Variants in TOGARAM2 observed in about 807,000 individuals in gnomAD.
The protein encoded by TOGARAM2 is TOG array regulator of axonemal microtubules 2.
In TOGARAM2, 85 loss-of-function variants were observed where a neutral mutation model predicts 93.3. The ratio of observed to expected loss-of-function variants is 0.91; its 90% CI spans 0.76 to 1.09. The LOEUF (loss-of-function observed/expected upper bound fraction) is 1.09, where lower values mean the gene tolerates loss of function less well. Ranked by LOEUF, TOGARAM2 falls within the 50% of genes least tolerant of loss-of-function variation. The pLI is 0.00. For missense variants in TOGARAM2, 1,277 were observed against 1,334.5 expected, an observed-to-expected ratio of 0.96 and a Z score of 0.67; for synonymous variants, 593 against 552.8, an observed-to-expected ratio of 1.07 and a Z score of -1.02.
At chr2:29,007,013 T>C (rs549668431) in intron 6 of TOGARAM2, among the ~76,000 whole-genome samples, 1 of 152,206 alleles carries the variant, frequency 6.6e-6, no homozygotes, top group African/African-American at 2.4e-5. Flanking sequence ...TTATACCTGC[T>C]TCTCGACCTT....
chr2:29,004,911 TGC>T (rs1673553640), intron 6 of TOGARAM2, among the ~76,000 whole-genome samples: 1 of 17,560 alleles, frequency 5.7e-5, no homozygotes, highest in Non-Finnish European at 3.0e-4. Context: ...TGCATGTGTG[TGC>T]ATGTGTACGT....
At chr2:28,971,181 C>T (rs1671943262) in intron 1 of TOGARAM2, 1 of 152,274 alleles carries the variant, frequency 6.6e-6, no homozygotes, top group African/African-American at 2.4e-5. Flanking sequence ...AAACTGCTCA[C>T]AAACGCTTGT....
intron 18 of TOGARAM2, among the ~76,000 whole-genome samples, chr2:29,037,979 G>A (rs1365685389): frequency 6.6e-6 from 1 of 152,142 alleles, no homozygotes; most frequent in African/African-American, 2.4e-5. Flanking sequence ...TCTAGGGAGA[G>A]GAATTTTTAA....
In TOGARAM2 at chr2:29,014,543, G is replaced by A; in HGVS notation, c.1026G>A (p.Gln342=). ...EACPPLKEED[Q]KEIGTKIQVT... is the part of the protein sequence containing the mutation. ...GCCCTCCGCTGAAAGAAGAGGACCA[G>A]AAGGAGATCGGCACCAAGGTACCTG... The change falls in exon 8 of 20, where the codon CAG becomes CAA. Residue 342 remains glutamine, a synonymous_variant. Coordinates refer to ENST00000379558, the MANE Select transcript of TOGARAM2 (RefSeq NM_199280.4). 1 of 1,569,376 alleles carries A rather than the reference G, an allele frequency of 6.4e-7. No homozygotes were observed. The highest frequency in any genetic ancestry group is 1.2e-5 in the South Asian group (1 of 85,258).
intron 19 of TOGARAM2, chr2:29,050,599 C>G (rs2148404238): frequency 6.6e-6 from 1 of 152,294 alleles, no homozygotes; most frequent in East Asian, 1.9e-4. Context: ...ATGTGAAGCT[C>G]TGAGCCCTGG....
In TOGARAM2 at chr2:29,014,448, C is replaced by G. The variant is rs146532049; in HGVS notation, c.931C>G (p.Pro311Ala). The G allele has an allele frequency of 1.3e-3, 2,165 of 1,607,872 alleles. 5 individuals are homozygous for G. Among genetic ancestry groups the G allele is most frequent in the Non-Finnish European group, 1.6e-3 (1,915 of 1,177,400 alleles). The change falls in exon 8 of 20, where the codon CCT (proline) becomes GCT (alanine). Residue 311 changes from proline (P) to alanine (A), a missense_variant. Pro to Ala is a conservative substitution (Grantham distance 27, BLOSUM62 -1). Coordinates refer to ENST00000379558, the MANE Select transcript of TOGARAM2 (RefSeq NM_199280.4). ...AGACAGGCCTGCCGCTGCCAAGAAG[C>G]CTGCCCTGCCTTTTTCTCAGTCTGC... ...IRDRPAAAKK[P>A]ALPFSQSAPT...
At chr2:29,049,881 A>G (rs1421704612) in intron 19 of TOGARAM2, 2 of 152,124 alleles carry the variant, frequency 1.3e-5, no homozygotes, top group Non-Finnish European at 2.9e-5. Flanking sequence ...CAAAGCCAAC[A>G]TTCCTTGATA....
chr2:28,992,098 C>T lies in TOGARAM2; in HGVS notation c.-110-2627C>T, dbSNP rs537755749. ...AGCAGTGCTGGGTGTGATGGGGCCT[C>T]GGTGAATTGTGCCTTGGGGGTCAGG... On this transcript the variant is annotated intron_variant, in intron 1 of 19. Coordinates refer to ENST00000379558, the MANE Select transcript of TOGARAM2 (RefSeq NM_199280.4). 4.6e-5 allele frequency among the ~76,000 whole-genome samples: 7 copies of T among 152,204 alleles called. No homozygotes were observed. The East Asian group carries it at 5.8e-4, about 13-fold the overall frequency.
chr2:28,999,565 A>G (rs2148281225), intron 4 of TOGARAM2, 97 bp downstream of exon 4: 1 of 1,359,836 alleles, frequency 7.4e-7, no homozygotes, highest in Non-Finnish European at 9.8e-7. Flanking sequence ...TCCAGGTGGC[A>G]TGCTGGGATG....
Position 29,017,281 on chromosome 2 carries a change from C to T in TOGARAM2, c.1172C>T (p.Ser391Phe). 6.2e-7 allele frequency: 1 copy of T among 1,609,746 alleles called. No individual in the cohort carries two copies. Among genetic ancestry groups the T allele is most frequent in the South Asian group, 1.1e-5 (1 of 90,426 alleles). ...GQELTSQCLG[S>F]QRAFMKEGLL... ...GAGCTCACTTCCCAGTGCCTGGGCTCCCAGAGAGCCTTCATGAAGGAAGGT... is the reference window on the plus strand; with the variant it reads ...GAGCTCACTTCCCAGTGCCTGGGCTTCCAGAGAGCCTTCATGAAGGAAGGT... The change falls in exon 9 of 20, where the codon TCC becomes TTC. Residue 391 changes from serine to phenylalanine, a missense_variant. Ser to Phe is a radical substitution (Grantham distance 155, BLOSUM62 -2). Transcript: ENST00000379558.
At chr2:29,005,321 ATG>A (rs796133507) in intron 6 of TOGARAM2, among the ~76,000 whole-genome samples, 47 of 89,258 alleles carry the variant, frequency 5.3e-4, no homozygotes, top group Middle Eastern at 0.012. Flanking sequence ...GTATGTGTGC[ATG>A]TGTGTGTGAG....
At chr2:29,027,981 G>T in intron 14 of TOGARAM2, among the ~76,000 whole-genome samples, 1 of 152,190 alleles carries the variant, frequency 6.6e-6, no homozygotes, top group Non-Finnish European at 1.5e-5. Context: ...TTGGGATTTT[G>T]GATGGTGTGT....
chr2:28,991,025 TGTGTGTGTG>T (rs1672706635), intron 1 of TOGARAM2, among the ~76,000 whole-genome samples: 1 of 150,800 alleles, frequency 6.6e-6, no homozygotes, highest in Non-Finnish European at 1.5e-5. Flanking sequence ...TGTGTGTGTG[TGTGTGTGTG>T]TGTGTGGCTT....
intron 12 of TOGARAM2, 47 bp from the exon 13 acceptor site, chr2:29,024,092 C>T: frequency 6.7e-7 from 1 of 1,501,324 alleles, no homozygotes; most frequent in Non-Finnish European, 9.1e-7. Flanking sequence ...GTCCCAGAGC[C>T]CTTGGCAGGG....
intron 4 of TOGARAM2, among the ~76,000 whole-genome samples, chr2:29,000,972 A>T (rs1342327908): frequency 6.6e-6 from 1 of 152,206 alleles, no homozygotes; most frequent in East Asian, 1.9e-4. Flanking sequence ...AAGTTCCAGC[A>T]TAGGGAAAAA....
At chr2:29,033,656 C>T in intron 16 of TOGARAM2, 93 bp downstream of exon 16, 1 of 1,165,780 alleles carries the variant, frequency 8.6e-7, no homozygotes, top group Admixed American at 2.2e-5. Flanking sequence ...CTGGGGTGGA[C>T]ATATGGATCT....
chr2:28,994,578 G>C (rs1196934828), intron 1 of TOGARAM2, 147 bp from the exon 2 acceptor site: 4 of 401,834 alleles, frequency 1.0e-5, no homozygotes, highest in African/African-American at 6.1e-5. Flanking sequence ...ACATTTGTGA[G>C]TCCAATGTCA....
At chr2:29,027,620 G>T (rs1196093373) in intron 14 of TOGARAM2, among the ~76,000 whole-genome samples, 1 of 151,540 alleles carries the variant, frequency 6.6e-6, no homozygotes, top group Non-Finnish European at 1.5e-5. Flanking sequence ...AATGCTAGGG[G>T]TGGTGTTGCA....
Position 29,035,593 on chromosome 2 carries a change from C to T in TOGARAM2, c.2355C>T (p.Gly785=), listed in dbSNP as rs146709099. 22 of 1,586,598 alleles carry T rather than the reference C, an allele frequency of 1.4e-5. No individual in the cohort carries two copies. The highest frequency in any genetic ancestry group is 1.1e-4 in the African/African-American group (8 of 74,384). Residue 785 remains glycine, a synonymous_variant, in exon 17 of 20, where the codon GGC becomes GGT. Transcript: ENST00000379558. ...EAKDFRSRME[G]VGQLLELCKA... ...AGGACTTCCGGTCCCGGATGGAAGG[C>T]GTGGGGCAGCTCCTGGAGCTCTGCA...
Sources: gnomAD v4.1 joint callset for allele counts (sites outside exome capture counted in the v4.1 genomes callset) on GRCh38, gnomAD v4.1.1 for gene constraint, MANE v1.5 for transcripts, NCBI Gene and HGNC (gene_info 2026-07-23, HGNC 2026-07-21) for gene names.